Variants in ROBO1 observed in about 807,000 individuals in gnomAD.
ROBO1 encodes the protein roundabout homolog 1.
A neutral mutation model predicts 195.9 loss-of-function variants in ROBO1; 149 were observed. The ratio of observed to expected loss-of-function variants is 0.76; its 90% CI spans 0.67 to 0.87. The LOEUF is 0.87. Ranked by LOEUF, ROBO1 falls within the 40% of genes least tolerant of loss-of-function variation. The pLI is 0.00. For synonymous variants in ROBO1, 816 were observed against 733.2 expected (o/e 1.11, Z -1.82); for missense variants, 1,933 against 2,068.3 (o/e 0.93, Z 1.27).
intron 5 of ROBO1, 144 bp downstream of exon 5, chr3:78,746,599 A>G (rs575271881): frequency 1.7e-4 from 98 of 563,566 alleles, no homozygotes; most frequent in Non-Finnish European, 2.4e-4. Context: ...ATTGAAATAT[A>G]TATTTTTTAA....
At chr3:78,706,320 A>C (rs897892047) in intron 8 of ROBO1, among the ~76,000 whole-genome samples, 9 of 151,884 alleles carry the variant, frequency 5.9e-5, no homozygotes, top group African/African-American at 1.9e-4. Flanking sequence ...TGTATACACA[A>C]AAGAAATATA....
At chr3:79,514,927 T>C (rs1940878361) in intron 2 of ROBO1, among the ~76,000 whole-genome samples, 1 of 152,238 alleles carries the variant, frequency 6.6e-6, no homozygotes, top group Admixed American at 6.5e-5. Flanking sequence ...ATTTTACAAA[T>C]ATGGAATCAC....
chr3:79,664,455 C>A (rs1156331256), intron 1 of ROBO1, among the ~76,000 whole-genome samples: 1 of 152,050 alleles, frequency 6.6e-6, no homozygotes, highest in African/African-American at 2.4e-5. Flanking sequence ...TATGGACTCC[C>A]AGGTGCCTGG....
chr3:79,173,063 T>A (rs1281186284), intron 2 of ROBO1, among the ~76,000 whole-genome samples: 2 of 152,134 alleles, frequency 1.3e-5, no homozygotes, highest in East Asian at 3.9e-4. Context: ...TCTCAACCAA[T>A]GAGAGTAACA....
At chr3:78,780,580 C>T (rs1483044715) in intron 4 of ROBO1, among the ~76,000 whole-genome samples, 1 of 152,088 alleles carries the variant, frequency 6.6e-6, no homozygotes, top group African/African-American at 2.4e-5. Context: ...AACGTTGAGA[C>T]AGATTGCCTC....
chr3:79,323,034 T>C (rs2034051956), intron 2 of ROBO1, among the ~76,000 whole-genome samples: 1 of 151,984 alleles, frequency 6.6e-6, no homozygotes, highest in Non-Finnish European at 1.5e-5. Context: ...TTTTTAATAT[T>C]ATATTATTTA....
At chr3:79,757,706 A>T (rs1349286859) in intron 1 of ROBO1, among the ~76,000 whole-genome samples, 1 of 152,090 alleles carries the variant, frequency 6.6e-6, no homozygotes, top group Non-Finnish European at 1.5e-5. Context: ...AATAATAGTC[A>T]CCCTAATGGA....
intron 2 of ROBO1, among the ~76,000 whole-genome samples, chr3:79,268,046 A>C (rs2108961622): frequency 6.6e-6 from 1 of 151,810 alleles, no homozygotes; most frequent in East Asian, 1.9e-4. Flanking sequence ...AAACTGAAAG[A>C]AAAATAGTCA....
intron 3 of ROBO1, among the ~76,000 whole-genome samples, chr3:78,943,734 T>G (rs80290105): frequency 0.011 from 1,666 of 152,252 alleles, 34 homozygotes; most frequent in African/African-American, 0.038. Context: ...GAAACACATT[T>G]CAAGAGAAAA....
intron 2 of ROBO1, among the ~76,000 whole-genome samples, chr3:79,443,067 T>C (rs1357471054): frequency 6.6e-6 from 1 of 152,188 alleles, no homozygotes; most frequent in Non-Finnish European, 1.5e-5. Context: ...AGTTCAAATG[T>C]CCTTAGAGTT....
chr3:79,540,648 C>G (rs1329291780), intron 2 of ROBO1, among the ~76,000 whole-genome samples: 1 of 152,034 alleles, frequency 6.6e-6, no homozygotes, highest in Non-Finnish European at 1.5e-5. Context: ...TTCTTCATTC[C>G]CAGTTCAACA....
chr3:78,639,585 G>A (rs1705795924), intron 22 of ROBO1, among the ~76,000 whole-genome samples, 159 bp downstream of exon 22: 2 of 152,222 alleles, frequency 1.3e-5, no homozygotes, highest in South Asian at 4.1e-4. Flanking sequence ...AAGGGATGGA[G>A]AAAATACTTA....
intron 2 of ROBO1, among the ~76,000 whole-genome samples, chr3:79,557,966 T>G (rs1438037740): frequency 3.9e-5 from 6 of 152,028 alleles, no homozygotes; most frequent in African/African-American, 1.4e-4. Context: ...CATTGAGTGC[T>G]TCATTCAAGC....
At chr3:78,955,808 C>A (rs752479724) in intron 3 of ROBO1, among the ~76,000 whole-genome samples, 5 of 152,044 alleles carry the variant, frequency 3.3e-5, no homozygotes, top group African/African-American at 7.2e-5. Context: ...CTTAAAATAA[C>A]CTTTTAAAGG....
At chr3:79,255,543 G>C (rs2108923014) in intron 2 of ROBO1, among the ~76,000 whole-genome samples, 1 of 152,196 alleles carries the variant, frequency 6.6e-6, no homozygotes, top group South Asian at 2.1e-4. Context: ...TATTCGGATT[G>C]TTGGTAAAGT....
intron 3 of ROBO1, among the ~76,000 whole-genome samples, chr3:78,964,732 A>G (rs2041583938): frequency 6.6e-6 from 1 of 152,128 alleles, no homozygotes; most frequent in Non-Finnish European, 1.5e-5. Context: ...AATTACGAAG[A>G]AAGAACTCAT....
chr3:78,656,538 A>C (rs952421720), intron 18 of ROBO1, among the ~76,000 whole-genome samples: 6 of 151,744 alleles, frequency 4.0e-5, no homozygotes, highest in Admixed American at 2.6e-4. Context: ...TTTTTAGTAG[A>C]GACGGGGTTT....
At chr3:78,655,284 T>C (rs1297477974) in intron 18 of ROBO1, among the ~76,000 whole-genome samples, 2 of 152,182 alleles carry the variant, frequency 1.3e-5, no homozygotes, top group Non-Finnish European at 2.9e-5. Context: ...TCTCATATAA[T>C]AGAGCTGTTG....
intron 1 of ROBO1, among the ~76,000 whole-genome samples, chr3:79,723,814 A>G (rs1462267405): frequency 8.0e-6 from 1 of 125,710 alleles, no homozygotes; most frequent in Non-Finnish European, 1.7e-5. Context: ...AGGTTTATTT[A>G]TTTTCAGTAA....
Sources: gnomAD v4.1 joint callset for allele counts (sites outside exome capture counted in the v4.1 genomes callset) on GRCh38, gnomAD v4.1.1 for gene constraint, MANE v1.5 for transcripts, NCBI Gene and HGNC (gene_info 2026-07-23, HGNC 2026-07-21) for gene names.